Variants in GPC5 observed in about 807,000 individuals in gnomAD.
GPC5 encodes the protein glypican-5.
GPC5 carries 47 observed loss-of-function variants against 53.9 expected under a neutral mutation model. The observed-to-expected ratio is 0.87, with a 90% CI of 0.69 to 1.11. The LOEUF (loss-of-function observed/expected upper bound fraction) is 1.11, where lower values mean the gene tolerates loss of function less well. Ranked by LOEUF, GPC5 falls within the 50% of genes most tolerant of loss-of-function variation. The pLI is 0.00. For missense variants in GPC5, 748 were observed against 713.1 expected, an observed-to-expected ratio of 1.05 and a Z score of -0.56; for synonymous variants, 286 against 263.3, an observed-to-expected ratio of 1.09 and a Z score of -0.84.
intron 7 of GPC5, among the ~76,000 whole-genome samples, chr13:92,683,434 G>A (rs545492581): frequency 6.6e-6 from 1 of 152,220 alleles, no homozygotes; most frequent in East Asian, 1.9e-4. Flanking sequence ...CTCATTCTCA[G>A]TTGAAGAACC....
intron 5 of GPC5, among the ~76,000 whole-genome samples, chr13:91,875,442 G>A (rs2039191619): frequency 6.6e-6 from 1 of 152,104 alleles, no homozygotes; most frequent in Non-Finnish European, 1.5e-5. Flanking sequence ...TAAGAACTGA[G>A]ATTTTAGAAA....
intron 7 of GPC5, among the ~76,000 whole-genome samples, chr13:92,385,439 TATATACATATATACATATATACAC>T (rs2043790577): frequency 2.8e-5 from 3 of 108,152 alleles, no homozygotes; most frequent in African/African-American, 7.5e-5. Context: ...CATATATACA[TATATACATATATACATATATACAC>T]ATATATACAT....
intron 6 of GPC5, among the ~76,000 whole-genome samples, chr13:91,917,502 G>T (rs1048236700): frequency 6.6e-6 from 1 of 152,152 alleles, no homozygotes; most frequent in Admixed American, 6.5e-5. Context: ...GAGGACAATG[G>T]CTGTCTTCTC....
chr13:92,060,061 C>T (rs1394292310), intron 6 of GPC5: 2 of 151,422 alleles, frequency 1.3e-5, no homozygotes, highest in Non-Finnish European at 2.9e-5. Flanking sequence ...TGTTGGATTT[C>T]ATTACTTTAT....
At chr13:92,499,607 A>G (rs9561073) in intron 7 of GPC5, among the ~76,000 whole-genome samples, 88,844 of 152,016 alleles carry the variant, frequency 0.58, 26,685 homozygotes, top group East Asian at 0.75. Context: ...ACTTTACAAT[A>G]ATTGGAGATA....
chr13:92,519,795 A>C (rs1188185643), intron 7 of GPC5, among the ~76,000 whole-genome samples: 2 of 152,230 alleles, frequency 1.3e-5, no homozygotes, highest in Non-Finnish European at 2.9e-5. Context: ...GAACCGAAGG[A>C]GATAGAGACA....
chr13:92,452,271 C>A (rs574621093), intron 7 of GPC5, among the ~76,000 whole-genome samples: 24 of 152,172 alleles, frequency 1.6e-4, no homozygotes, highest in African/African-American at 5.1e-4. Context: ...GTAGAAATAA[C>A]TATGTCACAT....
chr13:91,780,910 C>T (rs2037787883), intron 5 of GPC5, among the ~76,000 whole-genome samples: 1 of 152,018 alleles, frequency 6.6e-6, no homozygotes, highest in Non-Finnish European at 1.5e-5. Context: ...CACATGTAGC[C>T]CCCCACTCCC....
intron 2 of GPC5, among the ~76,000 whole-genome samples, chr13:91,599,933 CTTTTT>C (rs2033120928): frequency 1.3e-5 from 2 of 152,098 alleles, no homozygotes; most frequent in Non-Finnish European, 2.9e-5. Flanking sequence ...AAGAGCTCAG[CTTTTT>C]TGAAACGGAG....
chr13:91,895,729 G>C (rs2039434290), intron 5 of GPC5, among the ~76,000 whole-genome samples: 1 of 151,672 alleles, frequency 6.6e-6, no homozygotes, highest in South Asian at 2.1e-4. Flanking sequence ...TAGAAAGGAT[G>C]CTCCAGTTTG....
chr13:92,792,454 C>T (rs746689077), intron 7 of GPC5, among the ~76,000 whole-genome samples: 41 of 151,986 alleles, frequency 2.7e-4, no homozygotes, highest in Non-Finnish European at 5.3e-4. Context: ...ATTGTAAAGA[C>T]CATCGATGCT....
At chr13:92,713,318 T>C (rs1888206172) in intron 7 of GPC5, among the ~76,000 whole-genome samples, 2 of 150,616 alleles carry the variant, frequency 1.3e-5, no homozygotes, top group African/African-American at 4.9e-5. Context: ...TCTGGCCGGG[T>C]GTGGTGGCTC....
intron 7 of GPC5, among the ~76,000 whole-genome samples, chr13:92,662,781 A>G (rs546775401): frequency 6.6e-6 from 1 of 152,024 alleles, no homozygotes; most frequent in Non-Finnish European, 1.5e-5. Flanking sequence ...TTTAGTTTAC[A>G]CTCCAAAGTT....
intron 7 of GPC5, among the ~76,000 whole-genome samples, chr13:92,365,135 A>G (rs1377177737): frequency 6.6e-6 from 1 of 151,770 alleles, no homozygotes; most frequent in Non-Finnish European, 1.5e-5. Context: ...TGAACAGCAT[A>G]GAGTATACTG....
At position 92,119,390 on chromosome 13, in the gene GPC5, G is replaced by GTTTTTTTTTT. The variant is rs386380215; in HGVS notation, c.1402-25424_1402-25415dup. Among the ~76,000 whole-genome samples the GTTTTTTTTTT allele has an allele frequency of 4.9e-4, 32 of 65,680 alleles. 1 individual carries two copies. Among genetic ancestry groups the GTTTTTTTTTT allele is most frequent in the African/African-American group, 5.9e-4 (9 of 15,320 alleles). The allele number at this position is 65,680 out of a possible 152,430, so 43.1% of individuals were successfully genotyped here. A position where few individuals can be genotyped will look rare whatever the true frequency, so the allele number is the denominator to read the frequency against. ...TATATACATTCACATTAGGATTTTAGTTTTTTTTTTTTTTTTTTTTTTTTT... is the reference window on the plus strand; with the variant it reads ...TATATACATTCACATTAGGATTTTAGTTTTTTTTTTTTTTTTTTTTTTTTTTTTTTTTTTT... On this transcript the variant is annotated intron_variant, in intron 6 of 7. Transcript: ENST00000377067.
chr13:92,073,135 T>TA (rs1037369252), intron 6 of GPC5, among the ~76,000 whole-genome samples: 1 of 152,138 alleles, frequency 6.6e-6, no homozygotes, highest in Admixed American at 6.5e-5. Context: ...TTTTTTAGTG[T>TA]AAAAAAGGGG....
chr13:92,618,501 A>G (rs187449969), intron 7 of GPC5, among the ~76,000 whole-genome samples: 3 of 152,142 alleles, frequency 2.0e-5, no homozygotes, highest in Admixed American at 2.0e-4. Context: ...GATTAAAAAC[A>G]CAGTAAGATA....
chr13:91,558,131 A>C (rs1200140320), intron 2 of GPC5, among the ~76,000 whole-genome samples: 2 of 152,116 alleles, frequency 1.3e-5, no homozygotes, highest in African/African-American at 2.4e-5. Context: ...GACAGTTTCT[A>C]CTGAAGCTGT....
chr13:91,713,827 A>G (rs1407218595), intron 3 of GPC5, among the ~76,000 whole-genome samples: 3 of 152,184 alleles, frequency 2.0e-5, no homozygotes. Context: ...TATTGATTTT[A>G]TAACCTAAAT....
Sources: allele counts gnomAD v4.1 joint callset (sites outside exome capture counted in the v4.1 genomes callset), GRCh38; gene constraint gnomAD v4.1.1; transcripts MANE v1.5; gene names NCBI Gene and HGNC (gene_info 2026-07-23, HGNC 2026-07-21).